Variants in ITSN2 observed in about 807,000 individuals in gnomAD.
ITSN2 encodes intersectin-2.
ITSN2 carries 156 observed loss-of-function variants against 243.7 expected under a neutral mutation model. The ratio of observed to expected loss-of-function variants is 0.64; its 90% CI spans 0.56 to 0.73. The LOEUF is 0.73. Ranked by LOEUF, ITSN2 falls within the 30% of genes least tolerant of loss-of-function variation. The probability of loss-of-function intolerance (pLI) is 0.00; values close to 1 mark genes in which losing one functional copy is unlikely to be tolerated. For missense variants in ITSN2, 1,801 were observed against 1,996.1 expected (o/e 0.90, Z 1.86); for synonymous variants, 703 against 699.9 (o/e 1.00, Z -0.07).
Position 24,286,270 on chromosome 2 carries a change from A to C in ITSN2, c.1805T>G (p.Leu602Arg), listed in dbSNP as rs557667575. ...CQRLKEQLDA[L>R]EKETASKLSE... ...CAGCTTAGATGCAGTTTCTTTTTCAAGAGCATCTAACTGTTCTTTAAGTCT... is the reference window on the plus strand; with the variant it reads ...CAGCTTAGATGCAGTTTCTTTTTCACGAGCATCTAACTGTTCTTTAAGTCT... Residue 602 changes from leucine to arginine, a missense_variant, in exon 16 of 40, where the codon CTT (leucine) becomes CGT (arginine). Coordinates refer to ENST00000355123, the MANE Select transcript of ITSN2 (RefSeq NM_006277.3). 5 of 1,605,824 alleles carry C rather than the reference A, an allele frequency of 3.1e-6. No individual in the cohort carries two copies. The Admixed American group carries it at 5.0e-5, about 16-fold the overall frequency.
At chr2:24,279,875 G>A (rs1678541906) in intron 17 of ITSN2, among the ~76,000 whole-genome samples, 3 of 151,874 alleles carry the variant, frequency 2.0e-5, no homozygotes, top group South Asian at 4.2e-4. Flanking sequence ...TGGGACTATA[G>A]GCGTCTGCCA....
intron 29 of ITSN2, among the ~76,000 whole-genome samples, chr2:24,244,678 C>T (rs189245291): frequency 1.3e-5 from 2 of 152,218 alleles, no homozygotes; most frequent in African/African-American, 2.4e-5. Context: ...ACTGCCAAAC[C>T]ATCAGCAGAG....
intron 32 of ITSN2, among the ~76,000 whole-genome samples, chr2:24,215,088 A>C (rs904366978): frequency 6.6e-6 from 1 of 152,218 alleles, no homozygotes; most frequent in African/African-American, 2.4e-5. Context: ...TCATTACATT[A>C]TACACAGTGT....
chr2:24,321,873 G>A (rs1190230026), intron 2 of ITSN2: 4 of 152,092 alleles, frequency 2.6e-5, no homozygotes, highest in Non-Finnish European at 4.4e-5. Context: ...TGAGCCCCCA[G>A]CATTAACCTA....
chr2:24,344,833 T>G (rs924612897), intron 1 of ITSN2, among the ~76,000 whole-genome samples: 1 of 152,134 alleles, frequency 6.6e-6, no homozygotes, highest in Non-Finnish European at 1.5e-5. Flanking sequence ...GCACCTGTAA[T>G]CTCAGCTACG....
At chr2:24,218,063 C>G in intron 30 of ITSN2, 50 bp from the exon 31 acceptor site, 1 of 1,195,920 alleles carries the variant, frequency 8.4e-7, no homozygotes, top group Admixed American at 1.7e-5. Context: ...GGATACACAG[C>G]CTACGTGTGG....
intron 1 of ITSN2, among the ~76,000 whole-genome samples, chr2:24,332,471 C>T (rs571435797): frequency 2.0e-5 from 3 of 152,018 alleles, no homozygotes; most frequent in Admixed American, 1.3e-4. Flanking sequence ...AGGGCAAATC[C>T]CTTGGGTAAA....
At chr2:24,226,653 T>G (rs1396809856) in intron 29 of ITSN2, among the ~76,000 whole-genome samples, 1 of 152,180 alleles carries the variant, frequency 6.6e-6, no homozygotes, top group Non-Finnish European at 1.5e-5. Flanking sequence ...ATCCATGAAT[T>G]AGATTTCTAG....
intron 1 of ITSN2, among the ~76,000 whole-genome samples, chr2:24,347,737 T>C (rs1687676713): frequency 6.6e-6 from 1 of 150,922 alleles, no homozygotes; most frequent in South Asian, 2.1e-4. Context: ...CTTTTTTTTT[T>C]AATCTTACAT....
In ITSN2 at chr2:24,248,799, A is replaced by C. The variant is rs116554237; in HGVS notation, c.3166+38T>G. 2,092 of 1,613,436 alleles carry C rather than the reference A, an allele frequency of 1.3e-3. 23 individuals are homozygous for C. In the African/African-American group the frequency reaches 0.026, roughly 20 times the overall value. On this transcript the variant is annotated intron_variant, in intron 26 of 39. Coordinates refer to ENST00000355123, the MANE Select transcript of ITSN2 (RefSeq NM_006277.3). Reference sequence around the variant, plus strand: ...TGAATTCAAGATTGCGACAGAGCAAACACGTTAGTAATTTTTTAAGATCAC... The same window carrying C: ...TGAATTCAAGATTGCGACAGAGCAACCACGTTAGTAATTTTTTAAGATCAC...
intron 15 of ITSN2, among the ~76,000 whole-genome samples, chr2:24,287,885 T>C (rs1485355572): frequency 6.6e-6 from 1 of 152,140 alleles, no homozygotes; most frequent in Non-Finnish European, 1.5e-5. Context: ...CATTTTGAAA[T>C]TGGGTTGTTT....
intron 8 of ITSN2, among the ~76,000 whole-genome samples, chr2:24,304,821 A>ATG (rs1333982705): frequency 1.3e-5 from 2 of 152,196 alleles, no homozygotes; most frequent in Non-Finnish European, 2.9e-5. Flanking sequence ...AGGGCTTTAT[A>ATG]TGTGTGAGGC....
At chr2:24,291,969 G>GTC (rs1680311457) in intron 15 of ITSN2, among the ~76,000 whole-genome samples, 2 of 152,270 alleles carry the variant, frequency 1.3e-5, no homozygotes, top group South Asian at 4.1e-4. Flanking sequence ...ACCATCCTGG[G>GTC]TAACTACTTA....
intron 1 of ITSN2, among the ~76,000 whole-genome samples, chr2:24,349,579 A>G (rs978268709): frequency 2.0e-5 from 3 of 152,206 alleles, no homozygotes; most frequent in Non-Finnish European, 2.9e-5. Flanking sequence ...CATTCTTAAA[A>G]AAAGATAATG....
intron 1 of ITSN2, among the ~76,000 whole-genome samples, chr2:24,357,177 G>A (rs182349718): frequency 7.9e-4 from 120 of 152,242 alleles, no homozygotes; most frequent in African/African-American, 2.8e-3. Context: ...ACATGCACAC[G>A]TATGTTTACT....
chr2:24,309,237 G>A (rs1331800508), intron 7 of ITSN2, among the ~76,000 whole-genome samples: 4 of 152,146 alleles, frequency 2.6e-5, no homozygotes, highest in Non-Finnish European at 5.9e-5. Flanking sequence ...TCTGTTGCCA[G>A]CCTGGAGTGC....
chr2:24,291,148 G>A (rs1333218151), intron 15 of ITSN2, among the ~76,000 whole-genome samples: 1 of 150,680 alleles, frequency 6.6e-6, no homozygotes, highest in Non-Finnish European at 1.5e-5. Context: ...ATTTTGTTTT[G>A]AGACAGAGTC....
At chr2:24,333,154 T>C (rs1685973578) in intron 1 of ITSN2, among the ~76,000 whole-genome samples, 1 of 152,244 alleles carries the variant, frequency 6.6e-6, no homozygotes, top group African/African-American at 2.4e-5. Flanking sequence ...TGTCTAATTC[T>C]TAAGCCCATG....
At chr2:24,236,584 C>T (rs1672174967) in intron 29 of ITSN2, among the ~76,000 whole-genome samples, 1 of 152,020 alleles carries the variant, frequency 6.6e-6, no homozygotes, top group Non-Finnish European at 1.5e-5. Context: ...TTATTATGTT[C>T]AGTCTTTGAC....
Sources: gnomAD v4.1 joint callset for allele counts (sites outside exome capture counted in the v4.1 genomes callset) on GRCh38, gnomAD v4.1.1 for gene constraint, MANE v1.5 for transcripts, NCBI Gene and HGNC (gene_info 2026-07-23, HGNC 2026-07-21) for gene names.